Variants in WDPCP observed in about 807,000 individuals in gnomAD.
The protein encoded by WDPCP is WD repeat-containing and planar cell polarity effector protein fritz homolog.
In WDPCP, 71 loss-of-function variants were observed where a neutral mutation model predicts 93.1. The ratio of observed to expected loss-of-function variants is 0.76; its 90% CI spans 0.63 to 0.93. The LOEUF is 0.93. WDPCP is among the 40% of genes least tolerant of loss of function. The pLI, the probability that WDPCP is intolerant of heterozygous loss-of-function variation, is 0.00. For synonymous variants in WDPCP, 315 were observed against 315.0 expected (o/e 1.00, Z 0.00); for missense variants, 844 against 887.4 (o/e 0.95, Z 0.62).
intron 15 of WDPCP, among the ~76,000 whole-genome samples, chr2:63,158,081 G>T: frequency 6.6e-6 from 1 of 151,434 alleles, no homozygotes; most frequent in Non-Finnish European, 1.5e-5. Context: ...CTTTGACCTA[G>T]GGATTATTTA....
rs184696244 is a variant in WDPCP at position 63,696,898 on chromosome 2, G to T, written n.309-46060C>A. Reference sequence around the variant, plus strand: ...CTCCACCAAGCTCAAAACAAAGAAGGTAAAACATAGTTCTTCCATCCCCAT... The same window carrying T: ...CTCCACCAAGCTCAAAACAAAGAAGTTAAAACATAGTTCTTCCATCCCCAT... On this transcript the variant is annotated intron_variant and non_coding_transcript_variant, in intron 2 of 4. Coordinates refer to the WDPCP transcript ENST00000467687. Among the ~76,000 whole-genome samples the T allele has an allele frequency of 2.1e-3, 320 of 152,312 alleles. 13 individuals carry two copies. Among genetic ancestry groups the T allele is most frequent in the Admixed American group, 0.02 (313 of 15,298 alleles).
intron 3 of WDPCP, among the ~76,000 whole-genome samples, chr2:63,627,870 G>C (rs1709826253): frequency 6.6e-6 from 1 of 152,204 alleles, no homozygotes; most frequent in Non-Finnish European, 1.5e-5. Context: ...GCTAAAGGCT[G>C]TCACACTGAC....
chr2:63,833,297 T>C, the WDPCP span, among the ~76,000 whole-genome samples: 1 of 152,206 alleles, frequency 6.6e-6, no homozygotes, highest in Non-Finnish European at 1.5e-5. Flanking sequence ...ACTCTCTGTC[T>C]GGTGAGACAA....
chr2:63,705,933 A>C (rs936592176), intron 2 of WDPCP, among the ~76,000 whole-genome samples: 1 of 152,142 alleles, frequency 6.6e-6, no homozygotes, highest in Non-Finnish European at 1.5e-5. Flanking sequence ...TGGGAGTCTA[A>C]GTCTCTTTGT....
chr2:63,419,981 A>G (rs767585233), intron 9 of WDPCP, among the ~76,000 whole-genome samples: 20 of 152,224 alleles, frequency 1.3e-4, no homozygotes, highest in Admixed American at 3.3e-4. Flanking sequence ...TTCTTAGCTT[A>G]TCAGCAGAAT....
chr2:63,146,984 G>T (rs73934609), intron 17 of WDPCP, among the ~76,000 whole-genome samples: 1,914 of 152,228 alleles, frequency 0.013, 39 homozygotes, highest in African/African-American at 0.043. Context: ...TTACTGAGAA[G>T]GTACCTAAGC....
rs1669896123 is a variant in WDPCP, at chr2:63,752,323, T to C, written n.308+61299A>G. The C allele has an allele frequency of 4.9e-6, 4 of 809,720 alleles. No individual in the cohort carries two copies. The Admixed American group carries it at 6.9e-5, about 14-fold the overall frequency. 50.2% of individuals were successfully genotyped at this position (809,720 alleles called of 1,614,324 possible). On this transcript the variant is annotated intron_variant and non_coding_transcript_variant, in intron 2 of 4. Coordinates refer to the WDPCP transcript ENST00000467687. Reference sequence around the variant, plus strand: ...CTTTAATGCCAGCAACAAATACCTTTTTCACAGTTAGGTGGGCACCTGGTC... The same window carrying C: ...CTTTAATGCCAGCAACAAATACCTTCTTCACAGTTAGGTGGGCACCTGGTC...
intron 13 of WDPCP, among the ~76,000 whole-genome samples, chr2:63,288,792 T>C (rs1358200475): frequency 6.6e-6 from 1 of 152,170 alleles, no homozygotes; most frequent in Admixed American, 6.5e-5. Flanking sequence ...TGCATTTAGT[T>C]GTAATGCTTC....
chr2:63,333,559 T>G (rs1455466871), intron 12 of WDPCP, among the ~76,000 whole-genome samples: 1 of 152,242 alleles, frequency 6.6e-6, no homozygotes, highest in Non-Finnish European at 1.5e-5. Context: ...ATCCTTTATC[T>G]TAACCTGAAC....
At chr2:63,315,520 A>G (rs1686568376) in intron 12 of WDPCP, among the ~76,000 whole-genome samples, 1 of 152,202 alleles carries the variant, frequency 6.6e-6, no homozygotes, top group Non-Finnish European at 1.5e-5. Flanking sequence ...AAAACACAAG[A>G]AAACAAGGCA....
intron 12 of WDPCP, among the ~76,000 whole-genome samples, chr2:63,358,599 G>C (rs1690198129): frequency 1.3e-5 from 2 of 152,116 alleles, no homozygotes; most frequent in South Asian, 2.1e-4. Context: ...TGGGACTACA[G>C]GTGTGCACCA....
intron 2 of WDPCP, among the ~76,000 whole-genome samples, chr2:63,771,349 A>C (rs1276275495): frequency 6.6e-6 from 1 of 151,966 alleles, no homozygotes; most frequent in Non-Finnish European, 1.5e-5. Flanking sequence ...AAAAAAATAG[A>C]AAATACAAAT....
At chr2:63,808,177 G>A (rs1343706197) in intron 2 of WDPCP, among the ~76,000 whole-genome samples, 1 of 152,182 alleles carries the variant, frequency 6.6e-6, no homozygotes, top group Non-Finnish European at 1.5e-5. Context: ...TGCTATTTAG[G>A]ACAGGAATTT....
At chr2:63,235,585 T>C (rs766873693) in intron 14 of WDPCP, among the ~76,000 whole-genome samples, 3 of 152,092 alleles carry the variant, frequency 2.0e-5, no homozygotes, top group Non-Finnish European at 2.9e-5. Flanking sequence ...TGAACATATA[T>C]GCAAAAATCC....
chr2:63,500,076 C>G (rs1222661245), intron 1 of WDPCP, among the ~76,000 whole-genome samples: 1 of 152,196 alleles, frequency 6.6e-6, no homozygotes, highest in Non-Finnish European at 1.5e-5. Flanking sequence ...ACCCCTTACC[C>G]AGACTTGTTC....
intron 12 of WDPCP, among the ~76,000 whole-genome samples, chr2:63,347,290 G>C (rs535534512): frequency 6.6e-6 from 1 of 152,146 alleles, no homozygotes; most frequent in Non-Finnish European, 1.5e-5. Context: ...AGTTATATTT[G>C]AACTTCAGAT....
At chr2:63,429,065 A>G (rs1696529179) in intron 9 of WDPCP, among the ~76,000 whole-genome samples, 1 of 152,204 alleles carries the variant, frequency 6.6e-6, no homozygotes, top group South Asian at 2.1e-4. Flanking sequence ...AAAATAAGCA[A>G]TGGGGAAAAC....
In WDPCP at chr2:63,259,357, G is replaced by A. The variant is rs1681415091; in HGVS notation, c.1865C>T (p.Ala622Val). ...ATCAATGTCACTAGCTCTTTTTCTT[G>A]CCACTTCAGCTAGTGCCAATTCACC... ...DKGELALAEV[A>V]RKRASDIDAE... The change falls in exon 14 of 18, where the codon GCA (alanine) becomes GTA (valine). Residue 622 changes from alanine (A) to valine (V), a missense_variant. Transcript: ENST00000272321. 1 of 1,612,478 alleles carries A rather than the reference G, an allele frequency of 6.2e-7. No individual in the cohort carries two copies. The highest frequency in any genetic ancestry group is 8.5e-7 in the Non-Finnish European group (1 of 1,179,584).
At chr2:63,322,273 A>G (rs938274772) in intron 12 of WDPCP, among the ~76,000 whole-genome samples, 1 of 152,176 alleles carries the variant, frequency 6.6e-6, no homozygotes, top group Non-Finnish European at 1.5e-5. Context: ...CACTCTGTAA[A>G]ATGGACCAAT....
Sources: gnomAD v4.1 joint callset for allele counts (sites outside exome capture counted in the v4.1 genomes callset) on GRCh38, gnomAD v4.1.1 for gene constraint, MANE v1.5 for transcripts, NCBI Gene and HGNC (gene_info 2026-07-23, HGNC 2026-07-21) for gene names.